GAPVD1: variants seen among roughly 807,000 people sequenced by gnomAD.
The protein encoded by GAPVD1 is GTPase activating protein and VPS9 domains 1, also known as GTPase-activating protein and VPS9 domain-containing protein 1.
GAPVD1 carries 35 observed loss-of-function variants against 155.5 expected under a neutral mutation model. The observed-to-expected ratio is 0.23, with a 90% CI of 0.17 to 0.30. GAPVD1 has a LOEUF of 0.30. GAPVD1 is among the 10% of genes least tolerant of loss of function. The probability of loss-of-function intolerance (pLI) is 1.00; values close to 1 mark genes in which losing one functional copy is unlikely to be tolerated. For missense variants in GAPVD1, 1,429 were observed against 1,775.7 expected, an observed-to-expected ratio of 0.80 and a Z score of 3.51; for synonymous variants, 636 against 619.7, an observed-to-expected ratio of 1.03 and a Z score of -0.39.
At chr9:125,293,857 T>C (rs1159407145) in intron 2 of GAPVD1, among the ~76,000 whole-genome samples, 1 of 6,454 alleles carries the variant, frequency 1.5e-4, no homozygotes, top group Admixed American at 2.0e-3. Flanking sequence ...ATATTTTATA[T>C]ATATATATAT....
intron 19 of GAPVD1, among the ~76,000 whole-genome samples, chr9:125,343,942 T>G (rs1244403730): frequency 6.6e-6 from 1 of 152,214 alleles, no homozygotes; most frequent in African/African-American, 2.4e-5. Context: ...TATTATGGTT[T>G]GTTTGTTTGA....
At chr9:125,269,710 CTTTTTTTTTTTTT>C (rs951306489) in intron 2 of GAPVD1, among the ~76,000 whole-genome samples, 1 of 52,690 alleles carries the variant, frequency 1.9e-5, no homozygotes, top group African/African-American at 9.4e-5. Flanking sequence ...CCATGCCTGG[CTTTTTTTTTTTTT>C]TTTTTTTTTT....
intron 1 of GAPVD1, among the ~76,000 whole-genome samples, chr9:125,264,385 A>G (rs575836442): frequency 3.3e-5 from 5 of 152,194 alleles, no homozygotes; most frequent in African/African-American, 1.2e-4. Context: ...AGTAGAGGCA[A>G]GGTTTCACCA....
chr9:125,262,336 G>T (rs952797038), intron 1 of GAPVD1, among the ~76,000 whole-genome samples: 1 of 152,156 alleles, frequency 6.6e-6, no homozygotes, highest in Non-Finnish European at 1.5e-5. Context: ...TGTCTTCTGA[G>T]TGTCGCTGAT....
intron 3 of GAPVD1, among the ~76,000 whole-genome samples, chr9:125,296,790 G>C (rs898497064): frequency 1.3e-5 from 2 of 151,774 alleles, no homozygotes; most frequent in African/African-American, 4.8e-5. Flanking sequence ...CTCCTGAGTA[G>C]CTGGGATTGC....
rs1851133587 is a variant in GAPVD1, at chr9:125,362,860, T to A, written c.*114T>A. 6 of 840,870 alleles carry A rather than the reference T, an allele frequency of 7.1e-6. No homozygotes were observed. In the South Asian group the frequency reaches 1.3e-4, roughly 18 times the overall value. 52.1% of individuals were successfully genotyped at this position (840,870 alleles called of 1,614,324 possible). On this transcript the variant is annotated 3_prime_UTR_variant, in exon 28 of 28. Transcript: ENST00000297933. ...TTGTTTTGTATGATACTGCACAGCATCAGGCATTTTAAAGCAGATCTTTAC... is the reference window on the plus strand; with the variant it reads ...TTGTTTTGTATGATACTGCACAGCAACAGGCATTTTAAAGCAGATCTTTAC...
intron 11 of GAPVD1, among the ~76,000 whole-genome samples, chr9:125,325,922 T>C (rs1367471014): frequency 6.6e-6 from 1 of 152,226 alleles, no homozygotes; most frequent in Non-Finnish European, 1.5e-5. Flanking sequence ...TTCTGAATAA[T>C]GTGATGAAAT....
At chr9:125,338,658 A>G (rs1407516790) in intron 17 of GAPVD1, among the ~76,000 whole-genome samples, 4 of 152,224 alleles carry the variant, frequency 2.6e-5, no homozygotes, top group African/African-American at 9.6e-5. Flanking sequence ...TTTGGCAGGA[A>G]TATCACTGAA....
In GAPVD1 at chr9:125,307,726, A is replaced by T. The variant is rs370979541; in HGVS notation, c.1287A>T (p.Gln429His). 6.8e-6 allele frequency: 11 copies of T among 1,613,978 alleles called. No individual in the cohort carries two copies. The highest frequency in any genetic ancestry group is 8.5e-6 in the Non-Finnish European group (10 of 1,179,862). Residue 429 changes from glutamine (Q) to histidine (H), a missense_variant, in exon 8 of 28, where the codon CAA (glutamine) becomes CAT (histidine). Transcript: ENST00000297933. ...NFMKSVMSGDQLREDRMALDN... is the reference protein window; with the variant it reads ...NFMKSVMSGDHLREDRMALDN... ...TGAAGAGTGTGATGTCTGGAGATCA[A>T]CTGAGAGAAGATAGAATGGCTCTTG... is the stretch of plus-strand genomic sequence containing the variant.
intron 3 of GAPVD1, among the ~76,000 whole-genome samples, 178 bp downstream of exon 3, chr9:125,295,752 G>A (rs544637117): frequency 5.3e-5 from 8 of 152,032 alleles, no homozygotes; most frequent in South Asian, 2.1e-4. Flanking sequence ...ATTTTTTAAC[G>A]TAAAGTTGTG....
At chr9:125,339,575 G>A (rs1409439245) in intron 17 of GAPVD1, among the ~76,000 whole-genome samples, 2 of 152,146 alleles carry the variant, frequency 1.3e-5, no homozygotes, top group South Asian at 2.1e-4. Flanking sequence ...TAGGAGTGTT[G>A]CTGCTCCCAG....
intron 2 of GAPVD1, among the ~76,000 whole-genome samples, chr9:125,275,127 G>A (rs1271885127): frequency 6.6e-6 from 1 of 152,120 alleles, no homozygotes; most frequent in Non-Finnish European, 1.5e-5. Flanking sequence ...CCAGGCTGGA[G>A]TGTAATAGTG....
chr9:125,282,708 A>G (rs1836983327), intron 2 of GAPVD1, among the ~76,000 whole-genome samples: 1 of 152,138 alleles, frequency 6.6e-6, no homozygotes. Context: ...TAGTTATCTT[A>G]CAGTATACCA....
intron 6 of GAPVD1, among the ~76,000 whole-genome samples, chr9:125,305,827 T>C (rs1841704548): frequency 6.6e-6 from 1 of 152,004 alleles, no homozygotes; most frequent in East Asian, 1.9e-4. Flanking sequence ...CTAAGTGTTT[T>C]TATTGTTATA....
intron 6 of GAPVD1, among the ~76,000 whole-genome samples, chr9:125,306,692 C>T (rs72767052): frequency 1.3e-5 from 2 of 152,262 alleles, no homozygotes; most frequent in Non-Finnish European, 2.9e-5. Flanking sequence ...AAGGTTTTGC[C>T]CTGTTGCCCC....
intron 24 of GAPVD1, 141 bp from the exon 25 acceptor site, chr9:125,355,503 T>A (rs1272577215): frequency 2.5e-5 from 15 of 592,232 alleles, no homozygotes; most frequent in Non-Finnish European, 3.9e-5. Context: ...TGTCCTAAAA[T>A]AAACTACACT....
intron 10 of GAPVD1, 130 bp from the exon 11 acceptor site, chr9:125,323,668 G>A (rs1482870573): frequency 1.2e-5 from 10 of 838,828 alleles, no homozygotes; most frequent in African/African-American, 1.7e-5. Flanking sequence ...AAGGGCATGT[G>A]TTTTTTTAAG....
chr9:125,272,074 A>G (rs957817549), intron 2 of GAPVD1, among the ~76,000 whole-genome samples: 1 of 152,066 alleles, frequency 6.6e-6, no homozygotes, highest in African/African-American at 2.4e-5. Flanking sequence ...CCCAGGCTGA[A>G]GTGCAGTGGC....
chr9:125,269,316 T>C (rs1284715431), intron 2 of GAPVD1, among the ~76,000 whole-genome samples: 3 of 152,146 alleles, frequency 2.0e-5, no homozygotes, highest in Admixed American at 2.0e-4. Context: ...CCTTCAACTT[T>C]TGGGAGGCTG....
Sources: gnomAD v4.1 joint callset for allele counts (sites outside exome capture counted in the v4.1 genomes callset) on GRCh38, gnomAD v4.1.1 for gene constraint, MANE v1.5 for transcripts, NCBI Gene and HGNC (gene_info 2026-07-23, HGNC 2026-07-21) for gene names.